PABPC4L: variants seen among roughly 807,000 people sequenced by gnomAD.
PABPC4L encodes the protein polyadenylate-binding protein 4-like.
For synonymous variants in PABPC4L, 169 were observed against 164.1 expected, an observed-to-expected ratio of 1.03 and a Z score of -0.23; for missense variants, 452 against 451.4, an observed-to-expected ratio of 1.00 and a Z score of -0.01.
chr4:134,023,521 C>T, the PABPC4L span, among the ~76,000 whole-genome samples: 2 of 151,964 alleles, frequency 1.3e-5, no homozygotes, highest in Admixed American at 6.6e-5. Context: ...AATGTATGTG[C>T]CCTATTCTAC....
the PABPC4L span, among the ~76,000 whole-genome samples, chr4:134,103,714 G>T: frequency 6.6e-6 from 1 of 151,654 alleles, no homozygotes; most frequent in South Asian, 2.1e-4. Flanking sequence ...CAGATCTATT[G>T]TTCTTAACTA....
the PABPC4L span, among the ~76,000 whole-genome samples, chr4:134,094,589 T>C: frequency 2.0e-5 from 3 of 151,908 alleles, no homozygotes; most frequent in Non-Finnish European, 2.9e-5. Flanking sequence ...TTTCTTAACA[T>C]AAGGATTAAA....
chr4:134,111,373 C>T, the PABPC4L span, among the ~76,000 whole-genome samples: 138 of 151,874 alleles, frequency 9.1e-4, no homozygotes, highest in African/African-American at 3.0e-3. Flanking sequence ...AACATTCAAA[C>T]GATAACAATA....
At chr4:133,954,506 CTT>C in the PABPC4L span, among the ~76,000 whole-genome samples, 3 of 152,054 alleles carry the variant, frequency 2.0e-5, no homozygotes, top group Non-Finnish European at 4.4e-5. Flanking sequence ...TTTATCATCT[CTT>C]GTTTTTCTTT....
the PABPC4L span, among the ~76,000 whole-genome samples, chr4:134,071,491 G>C: frequency 6.6e-6 from 1 of 152,040 alleles, no homozygotes; most frequent in African/African-American, 2.4e-5. Context: ...AAATTCTTTG[G>C]TGTTTTCATT....
the PABPC4L span, among the ~76,000 whole-genome samples, chr4:134,001,739 TTC>T: frequency 6.6e-6 from 1 of 152,102 alleles, no homozygotes; most frequent in Non-Finnish European, 1.5e-5. Flanking sequence ...TATAAAATAA[TTC>T]TCTTTCAAAC....
the PABPC4L span, among the ~76,000 whole-genome samples, chr4:134,148,020 C>T: frequency 4.6e-5 from 7 of 151,976 alleles, no homozygotes; most frequent in African/African-American, 1.7e-4. Flanking sequence ...TGTATTATTT[C>T]CCAAGATGAT....
the PABPC4L span, among the ~76,000 whole-genome samples, chr4:134,149,804 A>G: frequency 6.6e-6 from 1 of 152,296 alleles, no homozygotes; most frequent in East Asian, 1.9e-4. Flanking sequence ...TAAATTATTT[A>G]CTACTTAAGG....
the PABPC4L span, among the ~76,000 whole-genome samples, chr4:134,182,749 A>T: frequency 6.6e-6 from 1 of 152,128 alleles, no homozygotes; most frequent in Non-Finnish European, 1.5e-5. Context: ...TAATGTAAAC[A>T]AATTTACAAG....
chr4:134,173,303 C>A, the PABPC4L span, among the ~76,000 whole-genome samples: 3 of 151,836 alleles, frequency 2.0e-5, no homozygotes, highest in Non-Finnish European at 4.4e-5. Flanking sequence ...GTACTATTCA[C>A]AATAGCCAAA....
chr4:134,159,599 A>G, the PABPC4L span, among the ~76,000 whole-genome samples: 12 of 152,262 alleles, frequency 7.9e-5, no homozygotes, highest in African/African-American at 2.9e-4. Context: ...ACACTGGGCC[A>G]GAGAGGAATC....
the PABPC4L span, among the ~76,000 whole-genome samples, chr4:134,114,164 G>A: frequency 6.6e-6 from 1 of 151,606 alleles, no homozygotes; most frequent in East Asian, 2.0e-4. Flanking sequence ...GGATTTTGGA[G>A]TTCACCAGGA....
the PABPC4L span, among the ~76,000 whole-genome samples, chr4:134,082,998 T>C: frequency 6.6e-6 from 1 of 152,182 alleles, no homozygotes; most frequent in African/African-American, 2.4e-5. Flanking sequence ...ACCATCACCA[T>C]AGATTATACT....
At chr4:134,004,304 C>T in the PABPC4L span, among the ~76,000 whole-genome samples, 4 of 151,582 alleles carry the variant, frequency 2.6e-5, no homozygotes, top group Non-Finnish European at 3.0e-5. Flanking sequence ...AAAAAAAATA[C>T]GTAATCTCAG....
At chr4:134,133,671 C>T in the PABPC4L span, among the ~76,000 whole-genome samples, 2 of 151,544 alleles carry the variant, frequency 1.3e-5, no homozygotes, top group Non-Finnish European at 2.9e-5. Flanking sequence ...ATACAATGGA[C>T]TTTGGGGTCT....
At chr4:134,187,243 C>T in the PABPC4L span, among the ~76,000 whole-genome samples, 1 of 151,890 alleles carries the variant, frequency 6.6e-6, no homozygotes, top group South Asian at 2.1e-4. Flanking sequence ...CGTAGACACA[C>T]GTATGGTTAT....
At chr4:134,081,200 AG>A in the PABPC4L span, among the ~76,000 whole-genome samples, 1 of 152,138 alleles carries the variant, frequency 6.6e-6, no homozygotes, top group Non-Finnish European at 1.5e-5. Flanking sequence ...TCAATCAACT[AG>A]ATAGAAATAG....
the PABPC4L span, among the ~76,000 whole-genome samples, chr4:134,135,667 A>G: frequency 6.6e-6 from 1 of 152,022 alleles, no homozygotes; most frequent in Non-Finnish European, 1.5e-5. Flanking sequence ...CTCCGTCTCT[A>G]CTGAAAATAC....
the PABPC4L span, among the ~76,000 whole-genome samples, chr4:134,058,850 A>G: frequency 6.6e-6 from 1 of 152,078 alleles, no homozygotes; most frequent in Non-Finnish European, 1.5e-5. Flanking sequence ...AGCAGAGAGC[A>G]TGACAACAGA....
Sources: gnomAD v4.1 joint callset for allele counts (sites outside exome capture counted in the v4.1 genomes callset) on GRCh38, gnomAD v4.1.1 for gene constraint, MANE v1.5 for transcripts, NCBI Gene and HGNC (gene_info 2026-07-23, HGNC 2026-07-21) for gene names.